CAMTA1: variants seen among roughly 807,000 people sequenced by gnomAD.
CAMTA1 encodes the protein calmodulin-binding transcription activator 1.
Under a neutral mutation model 170.9 loss-of-function variants are expected in CAMTA1, and 27 were observed. The observed-to-expected ratio is 0.16, with a 90% confidence interval of 0.12 to 0.22. The LOEUF (loss-of-function observed/expected upper bound fraction) is 0.22, where lower values mean the gene tolerates loss of function less well. Among genes scored for constraint, CAMTA1 ranks in the 10% least tolerant of loss-of-function variants. The pLI is 1.00. For missense variants in CAMTA1, 1,619 were observed against 2,217.2 expected (o/e 0.73, Z 5.42); for synonymous variants, 833 against 891.5 (o/e 0.93, Z 1.17).
intron 3 of CAMTA1, among the ~76,000 whole-genome samples, chr1:6,840,972 G>T (rs1346962899): frequency 6.6e-6 from 1 of 152,202 alleles, no homozygotes; most frequent in Non-Finnish European, 1.5e-5. Flanking sequence ...TCTGACATGG[G>T]TCTCACTGGG....
intron 6 of CAMTA1, among the ~76,000 whole-genome samples, chr1:7,510,007 A>AAAC (rs2094179684): frequency 7.5e-6 from 1 of 134,198 alleles, no homozygotes; most frequent in African/African-American, 3.1e-5. Flanking sequence ...ACAAACAAAC[A>AAAC]AACAACAAAA....
In CAMTA1 at chr1:7,027,040, G is replaced by A. The variant is rs1311771591; in HGVS notation, c.235-64264G>A. Reference sequence around the variant, plus strand: ...CTTTTCTTGAGACGTGGCAGAGTCAGGCCTGGGCTGGACTCCTTCCCTGGG... The same window carrying A: ...CTTTTCTTGAGACGTGGCAGAGTCAAGCCTGGGCTGGACTCCTTCCCTGGG... On this transcript the variant is annotated intron_variant, in intron 3 of 22. Coordinates refer to ENST00000303635, the MANE Select transcript of CAMTA1 (RefSeq NM_015215.4). Among the ~76,000 whole-genome samples the A allele has an allele frequency of 2.0e-5, 3 of 152,092 alleles. No homozygotes were observed. The East Asian group carries it at 5.8e-4, about 29-fold the overall frequency.
chr1:6,891,784 T>G (rs966670924), intron 3 of CAMTA1, among the ~76,000 whole-genome samples: 3 of 152,204 alleles, frequency 2.0e-5, no homozygotes, highest in Non-Finnish European at 4.4e-5. Flanking sequence ...TTAGCATTAG[T>G]ATATGAAAAA....
intron 3 of CAMTA1, among the ~76,000 whole-genome samples, chr1:6,987,407 T>C (rs969966180): frequency 6.6e-6 from 1 of 152,196 alleles, no homozygotes; most frequent in Non-Finnish European, 1.5e-5. Context: ...TGAGGTGATC[T>C]GCCCGCCTTG....
rs1700265127 is a variant in CAMTA1 at position 7,014,557 on chromosome 1, C to A, written c.235-76747C>A. Among the ~76,000 whole-genome samples the A allele has an allele frequency of 6.6e-6, 1 of 152,214 alleles. No homozygotes were observed. The highest frequency in any genetic ancestry group is 2.4e-5 in the African/African-American group (1 of 41,460). ...GCCTTTCTGTAACTAAAGCCCAGCC[C>A]AAGTATAGGGAGCAATGGCCGAGCT... On this transcript the variant is annotated intron_variant, in intron 3 of 22. Transcript: ENST00000303635. This position sits in a 1 kb window ranked among gnomAD's most constrained non-coding sequence, Gnocchi z 4.2.
chr1:7,304,597 CTTT>C (rs71582093), intron 5 of CAMTA1, among the ~76,000 whole-genome samples: 5 of 141,894 alleles, frequency 3.5e-5, no homozygotes, highest in African/African-American at 5.2e-5. Context: ...GTTATCAAAG[CTTT>C]TTTTTTTTTT....
In CAMTA1 at chr1:7,300,735, T is replaced by A. The variant is rs1674633460; in HGVS notation, c.438+51109T>A. On this transcript the variant is annotated intron_variant, in intron 5 of 22. Coordinates refer to ENST00000303635, the MANE Select transcript of CAMTA1 (RefSeq NM_015215.4). The surrounding 1 kb of genome is among the most constrained non-coding windows in gnomAD (Gnocchi z 4.1). ...AAGCAGAACCCTGAAAGATGGTGAA[T>A]GATTGGCAGGCAATGAGAGGAAGTG... is the stretch of plus-strand genomic sequence containing the variant. Among the ~76,000 whole-genome samples, 1 of 152,152 alleles carries A rather than the reference T, an allele frequency of 6.6e-6. No homozygotes were observed. The highest frequency in any genetic ancestry group is 2.4e-5 in the African/African-American group (1 of 41,438).
chr1:6,933,145 G>A (rs958224469), intron 3 of CAMTA1, among the ~76,000 whole-genome samples: 5 of 151,680 alleles, frequency 3.3e-5, no homozygotes, highest in Admixed American at 6.6e-5. Flanking sequence ...TCACAGCCTC[G>A]AACCCCTGAC....
chr1:7,765,148 C>G (rs765838041), intron 22 of CAMTA1, among the ~76,000 whole-genome samples: 12 of 152,136 alleles, frequency 7.9e-5, no homozygotes, highest in Non-Finnish European at 1.2e-4. Flanking sequence ...TTGGCTAAAT[C>G]AGCCTCTCAC....
At chr1:7,465,539 G>T (rs546243940) in intron 5 of CAMTA1, among the ~76,000 whole-genome samples, 1 of 152,084 alleles carries the variant, frequency 6.6e-6, no homozygotes, top group Non-Finnish European at 1.5e-5. Context: ...TCTAAAAATG[G>T]AGTAACCGGG....
At chr1:7,560,687 A>T (rs1447388826) in intron 6 of CAMTA1, among the ~76,000 whole-genome samples, 1 of 152,016 alleles carries the variant, frequency 6.6e-6, no homozygotes, top group African/African-American at 2.4e-5. Flanking sequence ...TGTGCATCTC[A>T]GCTGGTGTAA....
At chr1:7,684,100 G>C (rs2096237951) in intron 11 of CAMTA1, among the ~76,000 whole-genome samples, 2 of 152,212 alleles carry the variant, frequency 1.3e-5, no homozygotes, top group African/African-American at 4.8e-5. Flanking sequence ...CCTCCTTGGA[G>C]CAGTGGCAAA....
intron 4 of CAMTA1, among the ~76,000 whole-genome samples, chr1:7,148,019 T>C (rs997286781): frequency 7.0e-6 from 1 of 142,280 alleles, no homozygotes; most frequent in African/African-American, 2.7e-5. Flanking sequence ...CAAACATACA[T>C]CACACATACA....
Position 7,562,816 on chromosome 1 carries a change from G to A in CAMTA1, c.511-77584G>A, listed in dbSNP as rs72865483. 0.046 allele frequency among the ~76,000 whole-genome samples: 7,062 copies of A among 152,196 alleles called. 571 individuals are homozygous for A. The highest frequency in any genetic ancestry group is 0.16 in the African/African-American group (6,714 of 41,500). On this transcript the variant is annotated intron_variant, in intron 6 of 22. Coordinates refer to ENST00000303635, the MANE Select transcript of CAMTA1 (RefSeq NM_015215.4). The surrounding 1 kb of genome is among the most constrained non-coding windows in gnomAD (Gnocchi z 4.8). ...GGTCCCCAGGACCCCCAAGCAAGGC[G>A]GACGGGATGACAGGCCCTCTAACCC...
intron 6 of CAMTA1, among the ~76,000 whole-genome samples, chr1:7,488,150 C>T (rs1462777424): frequency 2.0e-5 from 3 of 152,194 alleles, no homozygotes; most frequent in Admixed American, 6.5e-5. Context: ...CTGGAATCTC[C>T]CTCTAGAATC....
At chr1:6,881,077 T>C (rs954245173) in intron 3 of CAMTA1, among the ~76,000 whole-genome samples, 2 of 152,254 alleles carry the variant, frequency 1.3e-5, no homozygotes, top group East Asian at 3.9e-4. Context: ...TACAGAGAAG[T>C]TGAATTAACT....
At chr1:7,361,146 G>A (rs1035760424) in intron 5 of CAMTA1, among the ~76,000 whole-genome samples, 15 of 152,164 alleles carry the variant, frequency 9.9e-5, no homozygotes, top group South Asian at 2.1e-4. Context: ...AAATAGGAGT[G>A]GCGCCATATT....
rs575622527 is a variant in CAMTA1 at position 7,482,136 on chromosome 1, A to G, written c.510+14235A>G. On this transcript the variant is annotated intron_variant, in intron 6 of 22. Transcript: ENST00000303635. The surrounding 1 kb of genome is among the most constrained non-coding windows in gnomAD (Gnocchi z 4.2). ...CACTCCACATCGTATTTTGCCATTC[A>G]TCATGTTGCTACTGCCTACTGTGTT... 6.6e-6 allele frequency among the ~76,000 whole-genome samples: 1 copy of G among 152,248 alleles called. No individual in the cohort carries two copies. Among genetic ancestry groups the G allele is most frequent in the African/African-American group, 2.4e-5 (1 of 41,522 alleles).
chr1:7,661,099 G>T (rs2095952554), intron 7 of CAMTA1, among the ~76,000 whole-genome samples: 1 of 152,218 alleles, frequency 6.6e-6, no homozygotes, highest in Non-Finnish European at 1.5e-5. Flanking sequence ...GTCAGCACTG[G>T]GCACTGAGCT....
Sources: gnomAD v4.1 joint callset for allele counts (sites outside exome capture counted in the v4.1 genomes callset) on GRCh38, gnomAD v4.1.1 for gene constraint, Gnocchi (gnomAD v3.1) non-coding constraint, MANE v1.5 for transcripts, NCBI Gene and HGNC (gene_info 2026-07-23, HGNC 2026-07-21) for gene names.